The following SRGAP3 variants were observed in gnomAD, a reference collection of about 807,000 sequenced individuals.
SRGAP3 encodes the protein SLIT-ROBO Rho GTPase activating protein 3, also known as SLIT-ROBO Rho GTPase-activating protein 3.
SRGAP3 carries 39 observed loss-of-function variants against 121.1 expected under a neutral mutation model. The observed-to-expected ratio is 0.32, with a 90% CI of 0.25 to 0.42. The LOEUF is 0.42. Among genes scored for constraint, SRGAP3 ranks in the 10% least tolerant of loss-of-function variants. The pLI is 1.00. For missense variants in SRGAP3, 1,213 were observed against 1,470.6 expected (o/e 0.82, Z 2.86); for synonymous variants, 601 against 570.0 (o/e 1.05, Z -0.77).
chr3:9,321,206 A>G (rs1955433308), intron 3 of SRGAP3, among the ~76,000 whole-genome samples: 1 of 151,840 alleles, frequency 6.6e-6, no homozygotes, highest in South Asian at 2.1e-4. Context: ...CAGACAAGAG[A>G]GTGGACAAGC....
At chr3:9,263,685 C>A (rs1954297251) in intron 3 of SRGAP3, among the ~76,000 whole-genome samples, 1 of 151,256 alleles carries the variant, frequency 6.6e-6, no homozygotes, top group Non-Finnish European at 1.5e-5. Context: ...AAACTTGAAT[C>A]CCTGAAGAGA....
intron 1 of SRGAP3, among the ~76,000 whole-genome samples, chr3:9,127,147 C>A (rs1394882972): frequency 1.3e-5 from 2 of 150,074 alleles, no homozygotes; most frequent in East Asian, 4.0e-4. Context: ...CATAGGGAGA[C>A]CTCGTCTCCA....
intron 15 of SRGAP3, 74 bp downstream of exon 15, chr3:9,015,523 C>T (rs1943595437): frequency 1.8e-5 from 28 of 1,593,364 alleles, no homozygotes; most frequent in East Asian, 2.2e-5. Context: ...ATGCCTAGCA[C>T]AGCAGTAAGC....
chr3:9,283,227 C>T (rs1954712524), intron 3 of SRGAP3, among the ~76,000 whole-genome samples: 4 of 152,190 alleles, frequency 2.6e-5, no homozygotes, highest in Admixed American at 2.0e-4. Context: ...CAGGCATGAG[C>T]CACCGCACCA....
In SRGAP3 at chr3:9,015,655, T is replaced by G; in HGVS notation, c.1755A>C (p.Arg585=). The G allele has an allele frequency of 6.2e-7, 1 of 1,613,548 alleles. No homozygotes were observed. The highest frequency in any genetic ancestry group is 8.5e-7 in the Non-Finnish European group (1 of 1,179,860). ...SVAGVLKLYF[R]GLENPLFPKE... ...TAGGAAAGAGTGGGTTTTCCAGTCC[T>G]CGGAAATACAGTTTTAAAACACCAG... Residue 585 remains arginine, a synonymous_variant, in exon 15 of 22, where the codon CGA becomes CGC. Transcript: ENST00000383836.
At chr3:9,080,941 T>C (rs1392346114) in intron 3 of SRGAP3, among the ~76,000 whole-genome samples, 2 of 152,108 alleles carry the variant, frequency 1.3e-5, no homozygotes, top group Non-Finnish European at 2.9e-5. Context: ...AATGCAATAA[T>C]ACAGAAATGA....
chr3:8,983,050 A>G lies in SRGAP3; in HGVS notation c.*2469T>C, dbSNP rs116513027. The G allele has an allele frequency of 6.4e-3, 1,467 of 227,534 alleles. 28 individuals are homozygous for G. The highest frequency in any genetic ancestry group is 0.03 in the African/African-American group (1,369 of 45,116). 14.1% of individuals were successfully genotyped at this position (227,534 alleles called of 1,614,324 possible). ...CATCTGGCAGTTGTGGCAGATTGCT[A>G]TATTTTGCCTGGGAGGCTACTGGAT... On this transcript the variant is annotated 3_prime_UTR_variant, in exon 22 of 22. Transcript: ENST00000383836.
intron 3 of SRGAP3, among the ~76,000 whole-genome samples, chr3:9,091,812 C>T (rs904162023): frequency 2.0e-5 from 3 of 152,170 alleles, no homozygotes; most frequent in Admixed American, 1.3e-4. Context: ...CCTTGTTATT[C>T]TTCCCCTCTG....
chr3:9,190,362 G>A (rs1951712584), intron 1 of SRGAP3, among the ~76,000 whole-genome samples: 1 of 152,222 alleles, frequency 6.6e-6, no homozygotes, highest in Admixed American at 6.5e-5. Context: ...AGGCAATTCA[G>A]CAGGACTCAG....
chr3:9,284,671 A>C (rs1481666304), intron 3 of SRGAP3, among the ~76,000 whole-genome samples: 1 of 152,040 alleles, frequency 6.6e-6, no homozygotes, highest in Non-Finnish European at 1.5e-5. Flanking sequence ...CACTACAAAA[A>C]ATACAAAAAT....
intron 3 of SRGAP3, among the ~76,000 whole-genome samples, chr3:9,325,556 G>A (rs1955504310): frequency 6.6e-6 from 1 of 151,918 alleles, no homozygotes; most frequent in South Asian, 2.1e-4. Flanking sequence ...AGGCTATTAT[G>A]AAGGAGACAT....
At position 9,097,922 on chromosome 3, in the gene SRGAP3, A is replaced by T. The variant is rs533660243; in HGVS notation, c.423+6758T>A. 2.6e-5 allele frequency among the ~76,000 whole-genome samples: 4 copies of T among 151,972 alleles called. No individual in the cohort carries two copies. In the East Asian group the frequency reaches 5.8e-4, roughly 22 times the overall value. The stretch of plus-strand genomic sequence containing the variant: ...CACAGTCCGACTTCTCGGTTTGCTA[A>T]CTCCTACTTTCCTCCCTTTTTTTCT... On this transcript the variant is annotated intron_variant, in intron 3 of 21. Transcript: ENST00000383836.
intron 2 of SRGAP3, among the ~76,000 whole-genome samples, chr3:9,329,173 ATTC>A (rs1318102264): frequency 2.0e-5 from 3 of 152,226 alleles, no homozygotes; most frequent in African/African-American, 7.2e-5. Context: ...TAGCCTCAGA[ATTC>A]TTCTTTTGCA....
Position 9,338,079 on chromosome 3 carries a change from A to C in SRGAP3, n.215-7483T>G, listed in dbSNP as rs188160607. On this transcript the variant is annotated intron_variant and non_coding_transcript_variant, in intron 1 of 3. Transcript: ENST00000490889. ...GGGACATGAAAACAGGATTTTAGTA[A>C]GATAAATTTGAAGTCGTGTGCAGTG... Among the ~76,000 whole-genome samples the C allele has an allele frequency of 1.5e-3, 223 of 152,330 alleles. 1 individual carries two copies. The highest frequency in any genetic ancestry group is 5.0e-3 in the African/African-American group (207 of 41,572).
intron 4 of SRGAP3, among the ~76,000 whole-genome samples, chr3:9,075,185 T>C (rs1043874308): frequency 6.6e-6 from 1 of 152,194 alleles, no homozygotes; most frequent in Non-Finnish European, 1.5e-5. Context: ...ACCTCTGCCC[T>C]TTTTTTCTCC....
At chr3:9,255,032 G>GAAA (rs1559245627) in intron 3 of SRGAP3, among the ~76,000 whole-genome samples, 1 of 143,706 alleles carries the variant, frequency 7.0e-6, no homozygotes, top group African/African-American at 2.5e-5. Context: ...GAGAAAGAAA[G>GAAA]GAAGAAAGAA....
chr3:9,123,399 T>TAC (rs1560201919), intron 2 of SRGAP3, among the ~76,000 whole-genome samples: 1 of 117,396 alleles, frequency 8.5e-6, no homozygotes, highest in African/African-American at 3.5e-5. Flanking sequence ...ACATACACAA[T>TAC]ACACATACAT....
At chr3:9,124,661 C>T in intron 2 of SRGAP3, 64 bp downstream of exon 2, 2 of 1,605,820 alleles carry the variant, frequency 1.2e-6, no homozygotes, top group Middle Eastern at 1.7e-4. Context: ...TCTGCTTTGC[C>T]ACCAACTGTC....
At chr3:9,074,072 G>A (rs1946844243) in intron 4 of SRGAP3, among the ~76,000 whole-genome samples, 1 of 152,084 alleles carries the variant, frequency 6.6e-6, no homozygotes, top group Non-Finnish European at 1.5e-5. Flanking sequence ...TTTTTTTAAA[G>A]GAAAGTCATC....
Sources: allele counts gnomAD v4.1 joint callset (sites outside exome capture counted in the v4.1 genomes callset), GRCh38; gene constraint gnomAD v4.1.1; transcripts MANE v1.5; gene names NCBI Gene and HGNC (gene_info 2026-07-23, HGNC 2026-07-21).